Variants in POGZ observed in about 807,000 individuals in gnomAD.
The protein encoded by POGZ is pogo transposable element derived with ZNF domain, also known as pogo transposable element with ZNF domain.
In POGZ, 17 loss-of-function variants were observed where a neutral mutation model predicts 134.6. The ratio of observed to expected loss-of-function variants is 0.13; its 90% CI spans 0.09 to 0.19. The LOEUF (loss-of-function observed/expected upper bound fraction) is 0.19. Among genes scored for constraint, POGZ ranks in the 10% least tolerant of loss-of-function variants. The pLI, the probability that POGZ is intolerant of heterozygous loss-of-function variation, is 1.00. For synonymous variants in POGZ, 693 were observed against 657.1 expected (o/e 1.05, Z -0.84); for missense variants, 1,306 against 1,769.7 (o/e 0.74, Z 4.70).
Position 151,406,627 on chromosome 1 carries a change from G to A in POGZ, c.2550C>T (p.Leu850=). The A allele has an allele frequency of 1.9e-6, 3 of 1,608,512 alleles. No individual in the cohort carries two copies. Among genetic ancestry groups the A allele is most frequent in the Non-Finnish European group, 2.5e-6 (3 of 1,178,482 alleles). The change falls in exon 18 of 19, where the codon CTC becomes CTT. Residue 850 remains leucine (L), a synonymous_variant. Transcript: ENST00000271715. ...HRSSSILPRG[L]TWIAHSRHGQ... Reference sequence around the variant, plus strand: ...GTTACCTTGAGTGAGCTATCCAAGTGAGTCCTATGGAAAATGAAACAACAA... The same window carrying A: ...GTTACCTTGAGTGAGCTATCCAAGTAAGTCCTATGGAAAATGAAACAACAA...
At chr1:151,423,340 T>C in intron 10 of POGZ, 57 bp downstream of exon 10, 1 of 1,461,668 alleles carries the variant, frequency 6.8e-7, no homozygotes, top group Admixed American at 1.7e-5. Context: ...CCCAGCGCCA[T>C]TCAATGAGTG....
In POGZ at chr1:151,405,909, C is replaced by T; in HGVS notation, c.3126G>A (p.Gln1042=). Residue 1042 remains glutamine (Q), a synonymous_variant, in exon 19 of 19, where the codon CAG becomes CAA. Transcript: ENST00000271715. The surrounding 1 kb of genome is among the most constrained non-coding windows in gnomAD (Gnocchi z 4.9). ...AEWVLTQREQ[Q]LPVNEETLFQ... is the part of the protein sequence containing the mutation. Reference sequence around the variant, plus strand: ...ACAAGGTCTCCTCATTTACAGGTAGCTGTTGTTCGCGCTGGGTTAGCACCC... The same window carrying T: ...ACAAGGTCTCCTCATTTACAGGTAGTTGTTGTTCGCGCTGGGTTAGCACCC... 1.2e-6 allele frequency: 2 copies of T among 1,614,172 alleles called. No homozygotes were observed. The highest frequency in any genetic ancestry group is 8.5e-7 in the Non-Finnish European group (1 of 1,180,026).
Position 151,459,174 on chromosome 1 carries a change from T to A in POGZ, c.-24A>T, listed in dbSNP as rs1378150293. On this transcript the variant is annotated 5_prime_UTR_variant, in exon 1 of 19. Coordinates refer to ENST00000271715, the MANE Select transcript of POGZ (RefSeq NM_015100.4). ...CACCTCCTGTGGTCGTCGCCGCCGG[T>A]AGTCTGACCCGAGGAAGGCGCCGTC... is the stretch of plus-strand genomic sequence containing the variant. 1 of 150,288 alleles carries A rather than the reference T, an allele frequency of 6.7e-6. No individual in the cohort carries two copies. Among genetic ancestry groups the A allele is most frequent in the Non-Finnish European group, 1.5e-5 (1 of 67,550 alleles). The allele number at this position is 150,288 out of a possible 1,614,324, so 9.3% of individuals were successfully genotyped here.
At chr1:151,441,586 C>G (rs1322033384) in intron 2 of POGZ, among the ~76,000 whole-genome samples, 1 of 152,128 alleles carries the variant, frequency 6.6e-6, no homozygotes, top group African/African-American at 2.4e-5. Context: ...GAATTTGACC[C>G]AGCAGTATCA....
chr1:151,406,352 C>T lies in POGZ; in HGVS notation c.2683G>A (p.Ala895Thr). 6.3e-7 allele frequency: 1 copy of T among 1,599,970 alleles called. No homozygotes were observed. The highest frequency in any genetic ancestry group is 8.5e-7 in the Non-Finnish European group (1 of 1,173,314). The change falls in exon 19 of 19, where the codon GCT becomes ACT. Residue 895 changes from alanine to threonine, a missense_variant. This residue lies in a region of POGZ where 214 missense variants were observed against 255.5 expected (regional missense o/e 0.84). Transcript: ENST00000271715. ...GGAGTTAGTAGCTCTTCAGGCTCAG[C>T]TGGGGTGGCCCCCGCAGATTTCACA... ...ATVKSAGATPAEPEELLTPLA... is the reference protein window; with the variant it reads ...ATVKSAGATPTEPEELLTPLA...
At position 151,423,397 on chromosome 1, in the gene POGZ, T is replaced by C. The variant is rs1203625002; in HGVS notation, c.1678A>G (p.Thr560Ala). Residue 560 changes from threonine to alanine, a missense_variant and splice_region_variant, in exon 10 of 19, where the codon ACC (threonine) becomes GCC (alanine). Physicochemically the swap from Thr to Ala is moderately conservative, Grantham distance 58. This residue lies in a region of POGZ where 541 missense variants were observed against 680.5 expected (regional missense o/e 0.80). Transcript: ENST00000271715. ...ENVHSPYEST[T>A]KCKICEWAFE... The stretch of plus-strand genomic sequence containing the variant: ...TGAGTTTAAGAGTTTCCAAACTTAC[T>C]AGTAGATTCATAGGGACTATGAACA... The C allele has an allele frequency of 6.2e-7, 1 of 1,613,564 alleles. No homozygotes were observed. Among genetic ancestry groups the C allele is most frequent in the Admixed American group, 1.7e-5 (1 of 60,016 alleles).
chr1:151,423,306 T>A (rs2274533), intron 10 of POGZ, 91 bp downstream of exon 10: 28 of 1,066,920 alleles, frequency 2.6e-5, no homozygotes, highest in Non-Finnish European at 5.7e-6. Context: ...GTTACCCACA[T>A]GTAAATAAAT....
chr1:151,415,802 C>T (rs1276174588), intron 10 of POGZ, among the ~76,000 whole-genome samples: 1 of 152,018 alleles, frequency 6.6e-6, no homozygotes, highest in Non-Finnish European at 1.5e-5. Context: ...AGCTATGCAA[C>T]CTCTCCCTTG....
Position 151,408,246 on chromosome 1 carries a change from G to T in POGZ, c.2235-6C>A, listed in dbSNP as rs1449021446. 1 of 1,603,020 alleles carries T rather than the reference G, an allele frequency of 6.2e-7. No individual in the cohort carries two copies. Among genetic ancestry groups the T allele is most frequent in the African/African-American group, 1.4e-5 (1 of 73,584 alleles). ...TCTGCCGGCCCATGACACTCCTGTG[G>T]GGGAAAAAAAAAAAGAATTCTCATT... is the stretch of plus-strand genomic sequence containing the variant. On this transcript the variant is annotated splice_polypyrimidine_tract_variant and splice_region_variant and intron_variant, in intron 14 of 18. Transcript: ENST00000271715.
rs1005121681 is a variant in POGZ, at chr1:151,406,335, T to C, written c.2700A>G (p.Leu900=). 3 of 1,606,976 alleles carry C rather than the reference T, an allele frequency of 1.9e-6. No homozygotes were observed. Among genetic ancestry groups the C allele is most frequent in the African/African-American group, 2.7e-5 (2 of 74,704 alleles). ...AGATPAEPEE[L]LTPLAPALPS... Reference sequence around the variant, plus strand: ...GGAGTGCTGGGGCTAAGGGAGTTAGTAGCTCTTCAGGCTCAGCTGGGGTGG... The same window carrying C: ...GGAGTGCTGGGGCTAAGGGAGTTAGCAGCTCTTCAGGCTCAGCTGGGGTGG... The change falls in exon 19 of 19, where the codon CTA becomes CTG. Residue 900 remains leucine, a synonymous_variant. Transcript: ENST00000271715.
chr1:151,445,035 A>G (rs757129093), intron 1 of POGZ, among the ~76,000 whole-genome samples: 5 of 151,774 alleles, frequency 3.3e-5, no homozygotes, highest in Non-Finnish European at 7.4e-5. Context: ...AGAGCTGGAG[A>G]GCAATACTCC....
At chr1:151,443,491 G>T (rs192562931) in intron 1 of POGZ, among the ~76,000 whole-genome samples, 5 of 152,284 alleles carry the variant, frequency 3.3e-5, no homozygotes, top group Admixed American at 3.3e-4. Flanking sequence ...CCTGAGGTCG[G>T]ATCACCTGAG....
chr1:151,454,074 G>A (rs1217182374), intron 1 of POGZ, among the ~76,000 whole-genome samples: 1 of 152,158 alleles, frequency 6.6e-6, no homozygotes, highest in Non-Finnish European at 1.5e-5. Context: ...TTTCATAGCT[G>A]TAAAGTCCAG....
chr1:151,439,564 C>T (rs1289776439), intron 3 of POGZ, among the ~76,000 whole-genome samples: 3 of 152,176 alleles, frequency 2.0e-5, no homozygotes, highest in Non-Finnish European at 2.9e-5. Flanking sequence ...ATTGCAAATA[C>T]GTTTTACACA....
rs1653290920 is a variant in POGZ at position 151,404,926 on chromosome 1, C to T, written c.4109G>A (p.Arg1370Gln). The T allele has an allele frequency of 6.2e-6, 10 of 1,614,158 alleles. No homozygotes were observed. Among genetic ancestry groups the T allele is most frequent in the Non-Finnish European group, 8.5e-6 (10 of 1,180,046 alleles). ...TGTCTCTTCAGGAGATGATCTGGGT[C>T]GTGGAGTGGAAGACTCAGAATGTTC... Reference protein sequence around the residue: ...SGEHSESSTPRPRSSPEETIE... With the variant: ...SGEHSESSTPQPRSSPEETIE... The change falls in exon 19 of 19, where the codon CGA (arginine) becomes CAA (glutamine). Residue 1370 changes from arginine to glutamine, a missense_variant. This residue lies in a region of POGZ where 107 missense variants were observed against 97.9 expected (regional missense o/e 1.09). Coordinates refer to ENST00000271715, the MANE Select transcript of POGZ (RefSeq NM_015100.4).
At chr1:151,444,857 A>T (rs905974145) in intron 1 of POGZ, among the ~76,000 whole-genome samples, 6 of 151,734 alleles carry the variant, frequency 4.0e-5, no homozygotes, top group African/African-American at 7.3e-5. Context: ...ATCTCTACAA[A>T]TTTTTTTTTA....
intron 3 of POGZ, among the ~76,000 whole-genome samples, chr1:151,432,194 C>G (rs1391897416): frequency 6.6e-6 from 1 of 152,056 alleles, no homozygotes; most frequent in Non-Finnish European, 1.5e-5. Flanking sequence ...GCAACAACAA[C>G]AAGAAACAAA....
chr1:151,428,688 G>A (rs1375370546), intron 5 of POGZ, among the ~76,000 whole-genome samples: 1 of 152,148 alleles, frequency 6.6e-6, no homozygotes, highest in Non-Finnish European at 1.5e-5. Context: ...AATACAATCA[G>A]TGGCTTGACC....
At chr1:151,438,588 A>AG (rs1231334525) in intron 3 of POGZ, among the ~76,000 whole-genome samples, 1 of 152,212 alleles carries the variant, frequency 6.6e-6, no homozygotes, top group African/African-American at 2.4e-5. Flanking sequence ...CAAGATGCTC[A>AG]GCTGGCCTGG....
Sources: allele counts gnomAD v4.1 joint callset (sites outside exome capture counted in the v4.1 genomes callset), GRCh38; gene constraint gnomAD v4.1.1; regional missense constraint gnomAD v4.1.1; non-coding constraint Gnocchi (gnomAD v3.1); transcripts MANE v1.5; gene names NCBI Gene and HGNC (gene_info 2026-07-23, HGNC 2026-07-21).